BROX: variants seen among roughly 807,000 people sequenced by gnomAD.
BROX encodes BRO1 domain and CAAX motif containing, also known as BRO1 domain-containing protein BROX.
A neutral mutation model predicts 61.0 loss-of-function variants in BROX; 53 were observed. The ratio of observed to expected loss-of-function variants is 0.87; its 90% CI spans 0.70 to 1.09. BROX has a LOEUF of 1.09. Ranked by LOEUF, BROX falls within the 50% of genes least tolerant of loss-of-function variation. BROX has a pLI of 0.00. For synonymous variants in BROX, 152 were observed against 160.2 expected (o/e 0.95, Z 0.38); for missense variants, 489 against 472.0 (o/e 1.04, Z -0.33).
intron 11 of BROX, 59 bp from the exon 12 acceptor site, chr1:222,731,298 T>C (rs1459772782): frequency 2.8e-6 from 4 of 1,409,664 alleles, no homozygotes; most frequent in Non-Finnish European, 3.8e-6. Context: ...ACCTTGAACA[T>C]ATTAGGCACT....
At position 222,732,051 on chromosome 1, in the gene BROX, G is replaced by A. The variant is rs147711639; in HGVS notation, c.1149+535G>A. Among the ~76,000 whole-genome samples, 522 of 152,204 alleles carry A rather than the reference G, an allele frequency of 3.4e-3. 18 individuals carry two copies. The highest frequency in any genetic ancestry group is 0.033 in the Admixed American group (505 of 15,296). ...GAATAAGAATTATTTTACAGCCATT[G>A]CTCCTTTCTTGAGATTGAGTTGTGT... On this transcript the variant is annotated intron_variant, in intron 12 of 12. Coordinates refer to ENST00000340934, the MANE Select transcript of BROX (RefSeq NM_144695.4).
intron 5 of BROX, 133 bp downstream of exon 5, chr1:222,722,647 G>T: frequency 1.5e-6 from 1 of 662,288 alleles, no homozygotes; most frequent in Non-Finnish European, 2.5e-6. Flanking sequence ...TTAGTATTTT[G>T]AGTGTCAGAA....
Position 222,734,891 on chromosome 1 carries a change from ATTAC to A in BROX, c.*2180_*2183del, listed in dbSNP as rs747092056. 3.9e-5 allele frequency: 6 copies of A among 152,256 alleles called. No homozygotes were observed. The highest frequency in any genetic ancestry group is 8.8e-5 in the Non-Finnish European group (6 of 68,048). The allele number at this position is 152,256 out of a possible 1,614,324, so 9.4% of individuals were successfully genotyped here. A position where few individuals can be genotyped will look rare whatever the true frequency, so the allele number is the denominator to read the frequency against. ...TTCTGTAAAATGCAGCAATACTGGT[ATTAC>A]TTTACATCAGTAGGCATCTTTGACA... On this transcript the variant is annotated 3_prime_UTR_variant, in exon 13 of 13. Coordinates refer to ENST00000340934, the MANE Select transcript of BROX (RefSeq NM_144695.4).
chr1:222,725,622 A>G, intron 7 of BROX, 67 bp downstream of exon 7: 2 of 1,342,594 alleles, frequency 1.5e-6, no homozygotes, highest in Non-Finnish European at 2.0e-6. Context: ...CTCTTTAAAA[A>G]TCAGAAGTTG....
rs1440675051 is a variant in BROX at position 222,729,666 on chromosome 1, G to T, written c.803G>T (p.Gly268Val). 1 of 1,612,776 alleles carries T rather than the reference G, an allele frequency of 6.2e-7. No homozygotes were observed. The highest frequency in any genetic ancestry group is 1.3e-5 in the African/African-American group (1 of 74,866). ...ACTTTATTGGCTAGTGATAAATGCG[G>T]TGAAGCAATCAGGTCTCTCCAAGAA... ...GETLLASDKC[G>V]EAIRSLQEAE... The change falls in exon 10 of 13, where the codon GGT becomes GTT. Residue 268 changes from glycine to valine, a missense_variant. By Grantham distance (109) the Gly-to-Val change is moderately radical. Coordinates refer to ENST00000340934, the MANE Select transcript of BROX (RefSeq NM_144695.4).
At chr1:222,731,256 T>C (rs1263323944) in intron 11 of BROX, 101 bp from the exon 12 acceptor site, 20 of 1,020,366 alleles carry the variant, frequency 2.0e-5, no homozygotes, top group Non-Finnish European at 1.9e-5. Context: ...AAACCTCTTA[T>C]CCATCATTAA....
chr1:222,713,948 A>T (rs1656312246), intron 1 of BROX: 1 of 152,172 alleles, frequency 6.6e-6, no homozygotes, highest in African/African-American at 2.4e-5. Context: ...TGCTCCTCAA[A>T]ACCAGCTTTG....
chr1:222,727,842 TAGA>T (rs970828198), intron 8 of BROX, among the ~76,000 whole-genome samples: 12 of 152,204 alleles, frequency 7.9e-5, no homozygotes, highest in African/African-American at 2.9e-4. Flanking sequence ...AGAAGGACTC[TAGA>T]AGAAGATGCT....
chr1:222,728,903 A>C, intron 9 of BROX, 75 bp downstream of exon 9: 14 of 1,043,900 alleles, frequency 1.3e-5, no homozygotes, highest in East Asian at 2.5e-5. Flanking sequence ...CTCTCATCTC[A>C]CCAGAGTCTT....
intron 1 of BROX, chr1:222,715,210 C>G (rs1313631789): frequency 2.6e-5 from 4 of 152,320 alleles, no homozygotes; most frequent in African/African-American, 7.2e-5. Flanking sequence ...ATCAGCATCT[C>G]AGGTCCTGCC....
intron 1 of BROX, 51 bp downstream of exon 1, chr1:222,712,993 C>T (rs1372036841): frequency 4.3e-6 from 5 of 1,173,802 alleles, no homozygotes; most frequent in Non-Finnish European, 5.4e-6. Flanking sequence ...CCGCTACTTC[C>T]CCGGAGTCTC....
chr1:222,732,613 T>C lies in BROX; in HGVS notation c.1150-15T>C. On this transcript the variant is annotated splice_polypyrimidine_tract_variant and intron_variant, in intron 12 of 12. Coordinates refer to ENST00000340934, the MANE Select transcript of BROX (RefSeq NM_144695.4). ...CTTAGTTTATGTACTTAAACTGTGG[T>C]TTTTTTCTCCCTAGACTAAACCCAA... 1 of 1,594,928 alleles carries C rather than the reference T, an allele frequency of 6.3e-7. No individual in the cohort carries two copies. The highest frequency in any genetic ancestry group is 1.1e-5 in the South Asian group (1 of 88,820).
chr1:222,729,818 G>A (rs1359153727), intron 10 of BROX, 117 bp downstream of exon 10: 16 of 1,112,576 alleles, frequency 1.4e-5, no homozygotes, highest in Non-Finnish European at 2.0e-5. Flanking sequence ...ATGGGAATGG[G>A]TGACATAATT....
At position 222,719,069 on chromosome 1, in the gene BROX, C is replaced by G. The variant is rs774215997; in HGVS notation, c.208+38C>G. The G allele has an allele frequency of 6.5e-5, 100 of 1,535,312 alleles. 3 individuals carry two copies. The South Asian group carries it at 1.0e-3, about 16-fold the overall frequency. ...TATGAACTTGAGGTTTTTTAAAAAACTGTCTAAAAGTTTACATTTAATTCT... is the reference window on the plus strand; with the variant it reads ...TATGAACTTGAGGTTTTTTAAAAAAGTGTCTAAAAGTTTACATTTAATTCT... On this transcript the variant is annotated intron_variant, in intron 3 of 12. Transcript: ENST00000340934.
chr1:222,729,819 T>C (rs1285284949), intron 10 of BROX, 118 bp downstream of exon 10: 2 of 1,105,364 alleles, frequency 1.8e-6, no homozygotes, highest in Non-Finnish European at 2.6e-6. Context: ...TGGGAATGGG[T>C]GACATAATTG....
chr1:222,720,084 G>A (rs550888251), intron 4 of BROX, among the ~76,000 whole-genome samples: 1 of 152,254 alleles, frequency 6.6e-6, no homozygotes, highest in South Asian at 2.1e-4. Context: ...AACGAAAAGA[G>A]TATGAACATT....
chr1:222,728,513 GT>G (rs1285764269), intron 8 of BROX, among the ~76,000 whole-genome samples: 1 of 152,002 alleles, frequency 6.6e-6, no homozygotes, highest in Admixed American at 6.6e-5. Context: ...TTAACTTAAA[GT>G]TGTATTAACC....
chr1:222,720,519 T>C (rs1656997356), intron 4 of BROX, among the ~76,000 whole-genome samples: 1 of 152,174 alleles, frequency 6.6e-6, no homozygotes. Flanking sequence ...TTCTGTGTAA[T>C]AGTGAGCTAA....
chr1:222,728,739 T>G lies in BROX; in HGVS notation c.671-4T>G. 1 of 1,571,204 alleles carries G rather than the reference T, an allele frequency of 6.4e-7. No homozygotes were observed. On this transcript the variant is annotated splice_region_variant and splice_polypyrimidine_tract_variant and intron_variant, in intron 8 of 12. Coordinates refer to ENST00000340934, the MANE Select transcript of BROX (RefSeq NM_144695.4). ...ATATTTTGCTTTTTAAAATGTAACTTTAGATCATACTTTATCCAGTTTGGA... is the reference window on the plus strand; with the variant it reads ...ATATTTTGCTTTTTAAAATGTAACTGTAGATCATACTTTATCCAGTTTGGA...
Sources: gnomAD v4.1 joint callset for allele counts (sites outside exome capture counted in the v4.1 genomes callset) on GRCh38, gnomAD v4.1.1 for gene constraint, MANE v1.5 for transcripts, NCBI Gene and HGNC (gene_info 2026-07-23, HGNC 2026-07-21) for gene names.